SV2C: variants seen among roughly 807,000 people sequenced by gnomAD.
The protein encoded by SV2C is synaptic vesicle glycoprotein 2C, also known as solute carrier family 22 member B3.
SV2C carries 49 observed loss-of-function variants against 79.7 expected under a neutral mutation model. The ratio of observed to expected loss-of-function variants is 0.61; its 90% CI spans 0.49 to 0.78. The LOEUF (loss-of-function observed/expected upper bound fraction) is 0.78, where lower values mean the gene tolerates loss of function less well. SV2C is among the 30% of genes least tolerant of loss of function. The pLI is 0.00. For missense variants in SV2C, 833 were observed against 912.9 expected (o/e 0.91, Z 1.13); for synonymous variants, 334 against 333.2 (o/e 1.00, Z -0.03).
At chr5:76,352,601 G>A (rs1749662351) in intron 12 of SV2C, among the ~76,000 whole-genome samples, 1 of 152,154 alleles carries the variant, frequency 6.6e-6, no homozygotes, top group East Asian at 1.9e-4. Flanking sequence ...TGGTCCCTTG[G>A]ACCTCTCAGC....
At chr5:76,214,835 G>A (rs995074612) in intron 4 of SV2C, among the ~76,000 whole-genome samples, 1 of 152,026 alleles carries the variant, frequency 6.6e-6, no homozygotes, top group African/African-American at 2.4e-5. Flanking sequence ...TTATTACTGT[G>A]TAGAAACACA....
At chr5:76,258,353 G>C (rs936052075) in intron 4 of SV2C, among the ~76,000 whole-genome samples, 12 of 152,068 alleles carry the variant, frequency 7.9e-5, no homozygotes, top group Middle Eastern at 3.2e-3. Flanking sequence ...TCTCCCCTGG[G>C]CAAGGAGAAA....
the SV2C span, among the ~76,000 whole-genome samples, chr5:76,017,230 A>G: frequency 6.6e-6 from 1 of 152,134 alleles, no homozygotes; most frequent in African/African-American, 2.4e-5. Context: ...GCCATTCCAC[A>G]GTGTCTAATA....
At chr5:76,053,595 A>T in the SV2C span, among the ~76,000 whole-genome samples, 1 of 152,202 alleles carries the variant, frequency 6.6e-6, no homozygotes, top group Non-Finnish European at 1.5e-5. Flanking sequence ...AAGAAAAAAA[A>T]GATTCTATCA....
the SV2C span, among the ~76,000 whole-genome samples, chr5:76,065,000 C>T: frequency 5.3e-5 from 8 of 152,018 alleles, no homozygotes; most frequent in Non-Finnish European, 1.0e-4. Flanking sequence ...TTTATTACTG[C>T]CTTTGTTATG....
chr5:76,066,269 T>C, the SV2C span, among the ~76,000 whole-genome samples: 9 of 151,550 alleles, frequency 5.9e-5, no homozygotes, highest in Non-Finnish European at 1.3e-4. Context: ...TATGCAGCCA[T>C]AAAAAAGGAT....
intron 2 of SV2C, among the ~76,000 whole-genome samples, chr5:76,180,827 A>G (rs1743696757): frequency 6.6e-6 from 1 of 152,096 alleles, no homozygotes; most frequent in African/African-American, 2.4e-5. Flanking sequence ...TGCTCTATCC[A>G]GACCCTTCTT....
intron 2 of SV2C, among the ~76,000 whole-genome samples, chr5:76,142,834 C>T (rs1160605209): frequency 6.6e-6 from 1 of 151,812 alleles, no homozygotes; most frequent in Non-Finnish European, 1.5e-5. Context: ...GCCCAGGGAA[C>T]AGTCAAGGCT....
At chr5:76,051,390 C>G in the SV2C span, among the ~76,000 whole-genome samples, 1 of 152,062 alleles carries the variant, frequency 6.6e-6, no homozygotes, top group Non-Finnish European at 1.5e-5. Context: ...TATAGATGTT[C>G]ATTACTTTAT....
chr5:76,190,149 A>C (rs1744050105), intron 2 of SV2C, among the ~76,000 whole-genome samples: 1 of 152,194 alleles, frequency 6.6e-6, no homozygotes, highest in Admixed American at 6.5e-5. Flanking sequence ...TGGTGAAATG[A>C]AAACTGGCCA....
downstream of SV2C, among the ~76,000 whole-genome samples, chr5:76,336,757 G>A (rs1408007109): frequency 6.6e-6 from 1 of 152,204 alleles, no homozygotes; most frequent in Non-Finnish European, 1.5e-5. Context: ...GTCAGGCGTG[G>A]CACACATTTT....
chr5:76,245,936 A>ATGTGTGTGTGTGTGTGTGTGTGTG (rs60767964), intron 4 of SV2C, among the ~76,000 whole-genome samples: 3 of 129,048 alleles, frequency 2.3e-5, no homozygotes, highest in African/African-American at 8.0e-5. Context: ...GTGTGTGTGT[A>ATGTGTGTGTGTGTGTGTGTGTGTG]TGTGTGTGTG....
rs1015788909 is a variant in SV2C, at chr5:76,248,059, C to G, written c.914-37103C>G. On this transcript the variant is annotated intron_variant, in intron 4 of 12. Transcript: ENST00000502798. The stretch of plus-strand genomic sequence containing the variant: ...GAGCTGCTAATGATCAAGTTATATG[C>G]ATGTCCTATTTGCCATTAAAATGCT... Among the ~76,000 whole-genome samples the G allele has an allele frequency of 7.9e-5, 12 of 152,286 alleles. No homozygotes were observed. In the South Asian group the frequency reaches 1.5e-3, roughly 18 times the overall value.
At chr5:76,325,249 C>A in intron 12 of SV2C, 115 bp from the exon 13 acceptor site, 2 of 1,095,674 alleles carry the variant, frequency 1.8e-6, no homozygotes, top group Non-Finnish European at 2.7e-6. Context: ...ATTTGCTCCA[C>A]TGATATACAA....
intron 2 of SV2C, among the ~76,000 whole-genome samples, chr5:76,148,590 T>C (rs577162851): frequency 1.3e-5 from 2 of 152,124 alleles, no homozygotes; most frequent in Non-Finnish European, 2.9e-5. Context: ...TCTGGGACTA[T>C]AGGTGCACAC....
intron 3 of SV2C, among the ~76,000 whole-genome samples, chr5:76,199,730 A>G (rs1430305389): frequency 2.0e-5 from 3 of 152,226 alleles, no homozygotes; most frequent in Non-Finnish European, 4.4e-5. Context: ...CTAGTTAATC[A>G]TGAAGTGAAA....
At chr5:76,017,698 T>G in the SV2C span, among the ~76,000 whole-genome samples, 3 of 152,192 alleles carry the variant, frequency 2.0e-5, no homozygotes, top group South Asian at 6.2e-4. Flanking sequence ...CAGCCACTTG[T>G]TTTTAGGCGT....
Position 76,241,917 on chromosome 5 carries a change from T to A in SV2C, c.913+32030T>A, listed in dbSNP as rs868866679. ...GCTAACAACATAGCTTTAAAAAAAA[T>A]AAAATAAAATAAAACAAAATTCTGC... On this transcript the variant is annotated intron_variant, in intron 4 of 12. Transcript: ENST00000502798. The A allele has an allele frequency of 1.4e-4, 99 of 708,594 alleles. 1 individual carries two copies. The South Asian group carries it at 1.6e-3, about 12-fold the overall frequency. The allele number at this position is 708,594 out of a possible 1,614,324, so 43.9% of individuals were successfully genotyped here. A position where few individuals can be genotyped will look rare whatever the true frequency, so the allele number is the denominator to read the frequency against.
At chr5:76,182,369 T>G (rs183702713) in intron 2 of SV2C, among the ~76,000 whole-genome samples, 1 of 152,310 alleles carries the variant, frequency 6.6e-6, no homozygotes, top group Non-Finnish European at 1.5e-5. Context: ...TTGCCTCACC[T>G]GTCAGTTTAC....
Sources: gnomAD v4.1 joint callset for allele counts (sites outside exome capture counted in the v4.1 genomes callset) on GRCh38, gnomAD v4.1.1 for gene constraint, MANE v1.5 for transcripts, NCBI Gene and HGNC (gene_info 2026-07-23, HGNC 2026-07-21) for gene names.